Variants in FARP1 observed in about 807,000 individuals in gnomAD.
The protein encoded by FARP1 is FERM, ARHGEF and pleckstrin domain-containing protein 1.
In FARP1, 52 loss-of-function variants were observed where a neutral mutation model predicts 128.8. The observed-to-expected ratio is 0.40, with a 90% CI of 0.32 to 0.51. The LOEUF (loss-of-function observed/expected upper bound fraction) is 0.51. Among genes scored for constraint, FARP1 ranks in the 20% least tolerant of loss-of-function variants. The probability of loss-of-function intolerance (pLI) is 0.45; values close to 1 mark genes in which losing one functional copy is unlikely to be tolerated. For synonymous variants in FARP1, 580 were observed against 551.8 expected (o/e 1.05, Z -0.72); for missense variants, 1,333 against 1,367.9 (o/e 0.97, Z 0.40).
intron 2 of FARP1, among the ~76,000 whole-genome samples, chr13:98,239,099 A>T (rs1882613668): frequency 6.6e-6 from 1 of 152,216 alleles, no homozygotes; most frequent in African/African-American, 2.4e-5. Flanking sequence ...GTATCTACAG[A>T]CTACTTTCAG....
intron 3 of FARP1, among the ~76,000 whole-genome samples, chr13:98,364,573 T>G (rs1889003298): frequency 6.6e-6 from 1 of 152,248 alleles, no homozygotes; most frequent in Non-Finnish European, 1.5e-5. Context: ...ATTAAGCACA[T>G]TAACTTAGTT....
intron 2 of FARP1, among the ~76,000 whole-genome samples, chr13:98,295,553 C>T (rs1275458662): frequency 1.3e-5 from 2 of 152,126 alleles, no homozygotes; most frequent in Non-Finnish European, 2.9e-5. Flanking sequence ...CCTCCCAGTC[C>T]CCCTCTCCTC....
intron 1 of FARP1, among the ~76,000 whole-genome samples, chr13:98,173,509 A>C (rs914616845): frequency 5.3e-5 from 8 of 152,212 alleles, no homozygotes; most frequent in African/African-American, 1.9e-4. Flanking sequence ...GGATTTCAGA[A>C]GGCCTAACCA....
At chr13:98,177,404 T>C (rs1170043332) in intron 1 of FARP1, 3 of 537,084 alleles carry the variant, frequency 5.6e-6, no homozygotes, top group African/African-American at 1.9e-5. Flanking sequence ...CCCGGGACAC[T>C]GGGAGGCCGA....
chr13:98,308,024 ACTCT>A (rs869143880), intron 2 of FARP1, among the ~76,000 whole-genome samples: 1,579 of 20,612 alleles, frequency 0.077, 187 homozygotes, highest in African/African-American at 0.2. Flanking sequence ...GCCCGCCCCC[ACTCT>A]CTCTCTTTTT....
intron 2 of FARP1, among the ~76,000 whole-genome samples, chr13:98,331,530 A>G (rs1291085118): frequency 6.6e-6 from 1 of 152,240 alleles, no homozygotes; most frequent in African/African-American, 2.4e-5. Context: ...TGAGGTTTAA[A>G]AATACTGAAG....
chr13:98,358,697 G>A lies in FARP1; in HGVS notation c.277-6698G>A, dbSNP rs140430895. ...GTCACCCAGGCTGGAGTGCAATGGC[G>A]CGATCTTGGCTCACTGTAACCTCCG... On this transcript the variant is annotated intron_variant, in intron 3 of 26. Transcript: ENST00000319562. 2.1e-4 allele frequency among the ~76,000 whole-genome samples: 32 copies of A among 151,590 alleles called. No homozygotes were observed. The East Asian group carries it at 6.0e-3, about 29-fold the overall frequency.
chr13:98,142,976 C>G (rs1167774864), upstream of FARP1: 1 of 149,378 alleles, frequency 6.7e-6, no homozygotes, highest in East Asian at 2.0e-4. Context: ...GCGCAGGGCG[C>G]GGGCCCGGAC....
intron 2 of FARP1, among the ~76,000 whole-genome samples, chr13:98,317,431 C>G (rs758147581): frequency 6.6e-6 from 1 of 152,108 alleles, no homozygotes; most frequent in East Asian, 1.9e-4. Context: ...AAATGAAACC[C>G]CATTTTGGGT....
chr13:98,315,672 C>T lies in FARP1; in HGVS notation c.172-28090C>T, dbSNP rs373045438. The stretch of plus-strand genomic sequence containing the variant: ...CCGTGCTTAGGAGCTCACATCTGCT[C>T]GCTCTTCCTTCCTTCGCCTCGTGGT... On this transcript the variant is annotated intron_variant, in intron 2 of 26. Coordinates refer to ENST00000319562, the MANE Select transcript of FARP1 (RefSeq NM_005766.4). Among the ~76,000 whole-genome samples, 33 of 152,234 alleles carry T rather than the reference C, an allele frequency of 2.2e-4. No individual in the cohort carries two copies. The East Asian group carries it at 4.6e-3, about 21-fold the overall frequency.
intron 1 of FARP1, among the ~76,000 whole-genome samples, chr13:98,188,534 C>G (rs923160513): frequency 3.3e-5 from 5 of 152,072 alleles, no homozygotes; most frequent in African/African-American, 1.2e-4. Context: ...ACACTCCAGC[C>G]TGGGGGACAG....
At chr13:98,403,186 T>C (rs553929257) in intron 13 of FARP1, 51 of 152,236 alleles carry the variant, frequency 3.4e-4, no homozygotes, top group African/African-American at 1.1e-3. Flanking sequence ...CAAGCTTTCA[T>C]GTGGAAGCAT....
Position 98,384,889 on chromosome 13 carries a change from T to G in FARP1, c.611+45T>G, listed in dbSNP as rs1215620327. On this transcript the variant is annotated intron_variant, in intron 7 of 26. Coordinates refer to ENST00000319562, the MANE Select transcript of FARP1 (RefSeq NM_005766.4). ...TCATATTCCCTCTGAGCCGGTTCTC[T>G]CTGCCTCCAACCTACATGGGTGTAC... The G allele has an allele frequency of 4.1e-6, 5 of 1,214,578 alleles. No homozygotes were observed. The African/African-American group carries it at 6.0e-5, about 14-fold the overall frequency. The allele number at this position is 1,214,578 out of a possible 1,614,324, so 75.2% of individuals were successfully genotyped here.
rs549801320 is a variant in FARP1 at position 98,239,257 on chromosome 13, T to G, written c.171+25844T>G. Among the ~76,000 whole-genome samples, 11 of 152,306 alleles carry G rather than the reference T, an allele frequency of 7.2e-5. No homozygotes were observed. In the South Asian group the frequency reaches 2.3e-3, roughly 32 times the overall value. ...CTGTCTCCTATTAGGTTCTCTACCC[T>G]GGACCGACCCTGGTTGTGTTTTCTC... is the stretch of plus-strand genomic sequence containing the variant. On this transcript the variant is annotated intron_variant, in intron 2 of 26. Transcript: ENST00000319562.
At chr13:98,143,843 C>T (rs1392799040) in intron 1 of FARP1, among the ~76,000 whole-genome samples, 1 of 151,826 alleles carries the variant, frequency 6.6e-6, no homozygotes, top group Non-Finnish European at 1.5e-5. Context: ...TCCTACCCGC[C>T]CGCTGACAGC....
At chr13:98,388,881 C>T (rs1184687158) in intron 9 of FARP1, among the ~76,000 whole-genome samples, 2 of 152,234 alleles carry the variant, frequency 1.3e-5, no homozygotes, top group African/African-American at 4.8e-5. Context: ...GCTGGAGGCC[C>T]TGAGCCCCCA....
intron 1 of FARP1, among the ~76,000 whole-genome samples, chr13:98,197,491 A>G (rs926602314): frequency 1.3e-5 from 2 of 152,114 alleles, no homozygotes; most frequent in Non-Finnish European, 2.9e-5. Flanking sequence ...GATGTTATTC[A>G]TTCCATAATA....
intron 2 of FARP1, among the ~76,000 whole-genome samples, chr13:98,242,240 C>G (rs1306993338): frequency 6.6e-6 from 1 of 152,150 alleles, no homozygotes; most frequent in South Asian, 2.1e-4. Flanking sequence ...CCCCCTCCCT[C>G]GAGGCCGTAG....
At chr13:98,370,922 G>A (rs1444585712) in intron 5 of FARP1, among the ~76,000 whole-genome samples, 1 of 152,166 alleles carries the variant, frequency 6.6e-6, no homozygotes, top group Non-Finnish European at 1.5e-5. Flanking sequence ...GGGACAGCCC[G>A]AGCTGCTAAG....
Sources: gnomAD v4.1 joint callset for allele counts (sites outside exome capture counted in the v4.1 genomes callset) on GRCh38, gnomAD v4.1.1 for gene constraint, MANE v1.5 for transcripts, NCBI Gene and HGNC (gene_info 2026-07-23, HGNC 2026-07-21) for gene names.